The following MGME1 variants were observed in gnomAD, a reference collection of about 807,000 sequenced individuals.
The protein encoded by MGME1 is mitochondrial genome maintenance exonuclease 1, also known as chromosome 20 open reading frame 72.
In MGME1, 22 loss-of-function variants were observed where a neutral mutation model predicts 33.0. The ratio of observed to expected loss-of-function variants is 0.67; its 90% confidence interval spans 0.48 to 0.95. The LOEUF is 0.95. Among genes scored for constraint, MGME1 ranks in the 40% least tolerant of loss-of-function variants. MGME1 has a pLI of 0.00. For synonymous variants in MGME1, 133 were observed against 144.0 expected (o/e 0.92, Z 0.55); for missense variants, 383 against 397.8 (o/e 0.96, Z 0.32).
chr20:17,989,920 G>T lies in MGME1; in HGVS notation c.865-19G>T. ...GACCTACTGTAGTGAAACGAGAATT[G>T]CCCTGTGTTTCTTCCTAGGTTCAAT... is the stretch of plus-strand genomic sequence containing the variant. On this transcript the variant is annotated intron_variant, in intron 4 of 4. Coordinates refer to ENST00000377710, the MANE Select transcript of MGME1 (RefSeq NM_052865.4). 1 of 1,610,320 alleles carries T rather than the reference G, an allele frequency of 6.2e-7. No individual in the cohort carries two copies. Among genetic ancestry groups the T allele is most frequent in the Non-Finnish European group, 8.5e-7 (1 of 1,178,208 alleles).
chr20:17,990,060 C>A lies in MGME1; in HGVS notation c.986C>A (p.Thr329Lys). Residue 329 changes from threonine to lysine, a missense_variant, in exon 5 of 5, where the codon ACG becomes AAG. Thr to Lys is a moderately conservative substitution (Grantham distance 78, BLOSUM62 -1). Coordinates refer to ENST00000377710, the MANE Select transcript of MGME1 (RefSeq NM_052865.4). ...TGGCTTCTTCGACTAGAAGAATATA[C>A]GGAAAAGAAAAAGAACCAGAATATT... ...TKWLLRLEEYTEKKKNQNIQK... is the reference protein window; with the variant it reads ...TKWLLRLEEYKEKKKNQNIQK... 2 of 1,613,774 alleles carry A rather than the reference C, an allele frequency of 1.2e-6. No individual in the cohort carries two copies. The highest frequency in any genetic ancestry group is 8.5e-7 in the Non-Finnish European group (1 of 1,179,876).
At chr20:17,976,557 T>C (rs2035873018) in intron 3 of MGME1, among the ~76,000 whole-genome samples, 1 of 152,246 alleles carries the variant, frequency 6.6e-6, no homozygotes. Context: ...AGCACCATGA[T>C]CTGTTGGTTC....
At chr20:17,968,654 C>A (rs773254681), upstream of MGME1, 10 of 608,598 alleles carry the variant, frequency 1.6e-5, no homozygotes, top group South Asian at 1.6e-4. Context: ...CCAGTCCCCG[C>A]TGCCGTCCAT....
At chr20:17,969,232 C>A (rs1370792413) in intron 1 of MGME1, 91 bp downstream of exon 1, 1 of 152,362 alleles carries the variant, frequency 6.6e-6, no homozygotes, top group Admixed American at 6.5e-5. Flanking sequence ...CGTCCTGGCC[C>A]CGCCAGGGGT....
chr20:17,976,524 T>G (rs1178101705), intron 3 of MGME1, among the ~76,000 whole-genome samples: 1 of 152,196 alleles, frequency 6.6e-6, no homozygotes, highest in Non-Finnish European at 1.5e-5. Context: ...TTCCTGCGTT[T>G]TCTTTCCTGT....
At chr20:17,974,933 G>T (rs1215061998) in intron 2 of MGME1, among the ~76,000 whole-genome samples, 2 of 152,054 alleles carry the variant, frequency 1.3e-5, no homozygotes, top group Non-Finnish European at 2.9e-5. Flanking sequence ...TTAGTAAAAG[G>T]ATTCCCCCAC....
intron 3 of MGME1, among the ~76,000 whole-genome samples, chr20:17,984,041 CT>C (rs1386429571): frequency 4.6e-5 from 7 of 151,790 alleles, no homozygotes; most frequent in Non-Finnish European, 7.4e-5. Flanking sequence ...TGTTTTTTTT[CT>C]AGTAGTTTTA....
intron 3 of MGME1, among the ~76,000 whole-genome samples, chr20:17,981,501 A>G (rs965018319): frequency 2.6e-5 from 4 of 152,146 alleles, no homozygotes; most frequent in African/African-American, 9.7e-5. Context: ...TATTATTTTG[A>G]TCTACTTCTT....
intron 3 of MGME1, among the ~76,000 whole-genome samples, chr20:17,983,108 C>T (rs1437735581): frequency 6.6e-6 from 1 of 152,156 alleles, no homozygotes; most frequent in Non-Finnish European, 1.5e-5. Context: ...TACTCTCTCT[C>T]TTTCTGAGTT....
At chr20:17,985,813 G>A (rs2036140828) in intron 3 of MGME1, among the ~76,000 whole-genome samples, 1 of 152,212 alleles carries the variant, frequency 6.6e-6, no homozygotes, top group Non-Finnish European at 1.5e-5. Context: ...AAAGGTCTGG[G>A]TGTGTAGTAG....
intron 3 of MGME1, among the ~76,000 whole-genome samples, chr20:17,987,657 A>G (rs1423181102): frequency 2.0e-5 from 3 of 152,148 alleles, no homozygotes; most frequent in African/African-American, 7.2e-5. Flanking sequence ...AGTTTGCATG[A>G]GGTGTAACTG....
At position 17,975,683 on chromosome 20, in the gene MGME1, G is replaced by A. The variant is rs1453572526; in HGVS notation, c.512-1G>A. The A allele has an allele frequency of 6.2e-7, 1 of 1,610,322 alleles. No homozygotes were observed. Among genetic ancestry groups the A allele is most frequent in the Non-Finnish European group, 8.5e-7 (1 of 1,177,254 alleles). ...CCCCTTTTCCCTGATTTTCTTTTCAGACGTCTTTTTACAAGGGAAACGGTT... is the reference window on the plus strand; with the variant it reads ...CCCCTTTTCCCTGATTTTCTTTTCAAACGTCTTTTTACAAGGGAAACGGTT... On this transcript the variant is annotated splice_acceptor_variant, in intron 2 of 4. Transcript: ENST00000377710. LOFTEE classifies it high-confidence loss of function.
chr20:17,975,914 G>A lies in MGME1; in HGVS notation c.731+11G>A, dbSNP rs372129377. 1.9e-6 allele frequency: 3 copies of A among 1,596,074 alleles called. No individual in the cohort carries two copies. The highest frequency in any genetic ancestry group is 2.2e-5 in the South Asian group (2 of 90,706). ...TGTGGCTGAGTATCAGTAAGTATGA[G>A]ATTGGAGGTGAATTAATACAGCGTA... On this transcript the variant is annotated intron_variant, in intron 3 of 4. Transcript: ENST00000377710.
At chr20:17,987,315 A>G (rs1210442630) in intron 3 of MGME1, among the ~76,000 whole-genome samples, 3 of 152,182 alleles carry the variant, frequency 2.0e-5, no homozygotes, top group African/African-American at 7.2e-5. Context: ...TAAACTGTCC[A>G]GTAGAGTAGC....
rs571838355 is a variant in MGME1 at position 17,990,360 on chromosome 20, C to T, written c.*251C>T. 1.4e-5 allele frequency: 6 copies of T among 433,852 alleles called. No homozygotes were observed. The highest frequency in any genetic ancestry group is 4.6e-5 in the African/African-American group (2 of 43,888). 26.9% of individuals were successfully genotyped at this position (433,852 alleles called of 1,614,324 possible). On this transcript the variant is annotated 3_prime_UTR_variant, in exon 5 of 5. Transcript: ENST00000377710. The stretch of plus-strand genomic sequence containing the variant: ...CTCTTATTTACCTGAAAGGAGGACA[C>T]GCAGGATGGGCAGTCATGCTGGTGA...
chr20:17,970,294 G>C lies in MGME1; in HGVS notation c.435G>C (p.Gln145His), dbSNP rs747178631. 3 of 1,614,150 alleles carry C rather than the reference G, an allele frequency of 1.9e-6. No homozygotes were observed. The highest frequency in any genetic ancestry group is 2.2e-5 in the East Asian group (1 of 44,886). Residue 145 changes from glutamine to histidine, a missense_variant, in exon 2 of 5, where the codon CAG (glutamine) becomes CAC (histidine). By Grantham distance (24) the Gln-to-His change is conservative. Coordinates refer to ENST00000377710, the MANE Select transcript of MGME1 (RefSeq NM_052865.4). ...TTCAGCAGACCATGACAAAACAACA[G>C]GTTTTCTTGTTGGAGAGGTGGAAAC... Reference protein sequence around the residue: ...RVLQQTMTKQQVFLLERWKQR... With the variant: ...RVLQQTMTKQHVFLLERWKQR...
chr20:17,986,234 A>G (rs1040160077), intron 3 of MGME1, among the ~76,000 whole-genome samples: 1 of 150,946 alleles, frequency 6.6e-6, no homozygotes, highest in African/African-American at 2.4e-5. Flanking sequence ...ACGCCTGGCT[A>G]ATTTTTGTAT....
chr20:17,976,479 C>T (rs1029269913), intron 3 of MGME1, among the ~76,000 whole-genome samples: 1 of 152,126 alleles, frequency 6.6e-6, no homozygotes, highest in African/African-American at 2.4e-5. Context: ...TTCCCCTCCC[C>T]CAAAGCAAGG....
chr20:17,973,413 C>A (rs746985203), intron 2 of MGME1, among the ~76,000 whole-genome samples: 99 of 152,060 alleles, frequency 6.5e-4, no homozygotes, highest in Non-Finnish European at 9.3e-4. Context: ...TCTGGGAGAC[C>A]AAGGTGGGAC....
Sources: allele counts gnomAD v4.1 joint callset (sites outside exome capture counted in the v4.1 genomes callset), GRCh38; gene constraint gnomAD v4.1.1; transcripts MANE v1.5; gene names NCBI Gene and HGNC (gene_info 2026-07-23, HGNC 2026-07-21).